ABAT: variants seen among roughly 807,000 people sequenced by gnomAD.
ABAT encodes 4-aminobutyrate aminotransferase, mitochondrial.
In ABAT, 45 loss-of-function variants were observed where a neutral mutation model predicts 64.6. That is an observed-to-expected ratio of 0.70 (90% CI 0.55 to 0.89). ABAT has a LOEUF of 0.89. Ranked by LOEUF, ABAT falls within the 40% of genes least tolerant of loss-of-function variation. The pLI is 0.00. For synonymous variants in ABAT, 297 were observed against 250.5 expected (o/e 1.19, Z -1.75); for missense variants, 633 against 658.4 (o/e 0.96, Z 0.42).
In ABAT at chr16:8,750,279, A is replaced by G. The variant is rs2142722930; in HGVS notation, c.199-143A>G. 5.2e-6 allele frequency: 4 copies of G among 765,508 alleles called. No homozygotes were observed. In the Admixed American group the frequency reaches 5.9e-5, roughly 11 times the overall value. 47.4% of individuals were successfully genotyped at this position (765,508 alleles called of 1,614,324 possible). ...CCCATGCACTTAGCCAAAACAAGAA[A>G]TACATTGCTGGCACCCACAGATGCC... is the stretch of plus-strand genomic sequence containing the variant. On this transcript the variant is annotated intron_variant, in intron 4 of 15. Transcript: ENST00000268251.
At chr16:8,700,417 G>C (rs927500123) in intron 1 of ABAT, among the ~76,000 whole-genome samples, 5 of 152,088 alleles carry the variant, frequency 3.3e-5, no homozygotes, top group African/African-American at 1.2e-4. Flanking sequence ...CCAGCACCTA[G>C]ATCAAGATCT....
chr16:8,755,783 C>G (rs762441537), intron 5 of ABAT, among the ~76,000 whole-genome samples: 4 of 152,074 alleles, frequency 2.6e-5, no homozygotes, highest in Admixed American at 2.0e-4. Flanking sequence ...GGTACGGTGA[C>G]TACCGCCTGT....
intron 1 of ABAT, among the ~76,000 whole-genome samples, chr16:8,686,229 C>T (rs538674605): frequency 6.6e-6 from 1 of 152,324 alleles, no homozygotes; most frequent in East Asian, 1.9e-4. Flanking sequence ...GCTGAAAATG[C>T]ACACACCAAG....
chr16:8,751,282 C>T (rs1423161263), intron 5 of ABAT, among the ~76,000 whole-genome samples: 1 of 151,896 alleles, frequency 6.6e-6, no homozygotes, highest in Admixed American at 6.6e-5. Flanking sequence ...ATGGTGGTCT[C>T]ACTATGCGCT....
chr16:8,682,186 TAC>T (rs55951090), intron 1 of ABAT, among the ~76,000 whole-genome samples: 1,877 of 131,508 alleles, frequency 0.014, 37 homozygotes, highest in African/African-American at 0.039. Context: ...CCTAACAGGA[TAC>T]ACACACACAC....
At chr16:8,744,706 A>G (rs1234220493) in intron 2 of ABAT, among the ~76,000 whole-genome samples, 1 of 151,884 alleles carries the variant, frequency 6.6e-6, no homozygotes, top group African/African-American at 2.4e-5. Context: ...CAGCCAGGCT[A>G]AAAATACTAA....
intron 1 of ABAT, among the ~76,000 whole-genome samples, chr16:8,728,424 G>A (rs925507599): frequency 3.9e-5 from 6 of 152,160 alleles, no homozygotes; most frequent in Non-Finnish European, 8.8e-5. Flanking sequence ...AATGGAAATT[G>A]AATTGTGTGA....
chr16:8,773,105 T>TACACACAC (rs35248639), intron 12 of ABAT, among the ~76,000 whole-genome samples, 188 bp downstream of exon 12: 7,802 of 108,702 alleles, frequency 0.072, 277 homozygotes, highest in African/African-American at 0.09. Flanking sequence ...CCTAAAACTA[T>TACACACAC]ACACACACAC....
At chr16:8,729,082 A>G (rs1309765568) in intron 1 of ABAT, among the ~76,000 whole-genome samples, 3 of 152,054 alleles carry the variant, frequency 2.0e-5, no homozygotes, top group African/African-American at 7.2e-5. Context: ...CAAGGCAGGC[A>G]GATTACTTGA....
At position 8,781,316 on chromosome 16, in the gene ABAT, G is replaced by T; in HGVS notation, c.1389G>T (p.Val463=). The T allele has an allele frequency of 6.2e-7, 1 of 1,614,124 alleles. No individual in the cohort carries two copies. The highest frequency in any genetic ancestry group is 2.2e-5 in the East Asian group (1 of 44,878). Residue 463 remains valine (V), a synonymous_variant, in exon 16 of 16, where the codon GTG becomes GTT. Transcript: ENST00000268251. This position sits in a 1 kb window ranked among gnomAD's most constrained non-coding sequence, Gnocchi z 4.5. ...ACCTCCTGCCTCTTTCAGGTGTGGT[G>T]TTGGGTGGCTGTGGTGACAAATCCA... ...LILIARNKGV[V]LGGCGDKSIR...
chr16:8,727,702 C>G (rs2058598949), intron 1 of ABAT, among the ~76,000 whole-genome samples: 1 of 152,186 alleles, frequency 6.6e-6, no homozygotes, highest in Non-Finnish European at 1.5e-5. Flanking sequence ...TTTCTTTCCG[C>G]TCATAGTTCT....
At chr16:8,777,120 C>T (rs907879762) in intron 14 of ABAT, among the ~76,000 whole-genome samples, 28 of 151,732 alleles carry the variant, frequency 1.8e-4, no homozygotes, top group African/African-American at 5.8e-4. Flanking sequence ...AGGCTGGTCT[C>T]GAACCCCCGA....
chr16:8,715,997 C>T (rs925899528), intron 1 of ABAT, among the ~76,000 whole-genome samples: 10 of 152,250 alleles, frequency 6.6e-5, no homozygotes, highest in African/African-American at 1.2e-4. Flanking sequence ...GGATTACAAG[C>T]GGCTGTGGAA....
chr16:8,680,984 A>ATT (rs35351214), intron 1 of ABAT, among the ~76,000 whole-genome samples: 23 of 145,666 alleles, frequency 1.6e-4, no homozygotes, highest in African/African-American at 5.8e-4. Flanking sequence ...TTATTTATCT[A>ATT]TTTTTTTTTT....
intron 1 of ABAT, among the ~76,000 whole-genome samples, chr16:8,723,733 G>A (rs1033741440): frequency 3.3e-5 from 5 of 149,650 alleles, no homozygotes; most frequent in African/African-American, 1.2e-4. Flanking sequence ...AGGAAACTGA[G>A]GCTCAGAGCA....
intron 11 of ABAT, among the ~76,000 whole-genome samples, chr16:8,770,814 A>G (rs1054667571): frequency 2.6e-5 from 4 of 152,234 alleles, no homozygotes; most frequent in Non-Finnish European, 5.9e-5. Context: ...AACCGAATAT[A>G]TTCAAAATAT....
At chr16:8,678,923 A>G (rs74361727) in intron 1 of ABAT, among the ~76,000 whole-genome samples, 80 of 152,188 alleles carry the variant, frequency 5.3e-4, no homozygotes, top group African/African-American at 1.9e-3. Flanking sequence ...ATAGTTAGGG[A>G]AGTGGGGAAT....
chr16:8,764,188 G>T lies in ABAT; in HGVS notation c.447+39G>T. ...AAGCAATCCCATTGTCTTCAGACGT[G>T]GTACTGGCAGGGGAAGGGAAAAGTG... On this transcript the variant is annotated intron_variant, in intron 7 of 15. Transcript: ENST00000268251. The surrounding 1 kb of genome is among the most constrained non-coding windows in gnomAD (Gnocchi z 4.2). The T allele has an allele frequency of 6.5e-7, 1 of 1,548,924 alleles. No individual in the cohort carries two copies. The highest frequency in any genetic ancestry group is 1.1e-5 in the South Asian group (1 of 89,672).
At chr16:8,678,602 T>G (rs2057258270) in intron 1 of ABAT, among the ~76,000 whole-genome samples, 1 of 152,218 alleles carries the variant, frequency 6.6e-6, no homozygotes, top group Non-Finnish European at 1.5e-5. Context: ...TCAGGGTCTT[T>G]CGAAACTTCA....
Sources: gnomAD v4.1 joint callset for allele counts (sites outside exome capture counted in the v4.1 genomes callset) on GRCh38, gnomAD v4.1.1 for gene constraint, Gnocchi (gnomAD v3.1) non-coding constraint, MANE v1.5 for transcripts, NCBI Gene and HGNC (gene_info 2026-07-23, HGNC 2026-07-21) for gene names.